ZNF407: variants seen among roughly 807,000 people sequenced by gnomAD.
ZNF407 encodes the protein zinc finger protein 407.
ZNF407 carries 17 observed loss-of-function variants against 131.2 expected under a neutral mutation model. The ratio of observed to expected loss-of-function variants is 0.13; its 90% CI spans 0.09 to 0.19. The LOEUF (loss-of-function observed/expected upper bound fraction) is 0.19. Ranked by LOEUF, ZNF407 falls within the 10% of genes least tolerant of loss-of-function variation. The pLI is 1.00. For synonymous variants in ZNF407, 1,156 were observed against 1,062.0 expected (o/e 1.09, Z -1.72); for missense variants, 2,681 against 2,830.6 (o/e 0.95, Z 1.20).
intron 4 of ZNF407, among the ~76,000 whole-genome samples, chr18:74,856,870 T>C (rs1372587876): frequency 6.6e-6 from 1 of 152,204 alleles, no homozygotes; most frequent in East Asian, 1.9e-4. Context: ...AGGTGATCAT[T>C]GAATTATAAT....
chr18:75,052,454 C>T (rs1041980890), intron 8 of ZNF407, among the ~76,000 whole-genome samples: 3 of 152,142 alleles, frequency 2.0e-5, no homozygotes, highest in East Asian at 1.9e-4. Flanking sequence ...TCAGGGAGCC[C>T]GTCTTCCGGT....
chr18:74,754,945 G>C lies in ZNF407; in HGVS notation c.4803-26483G>C, dbSNP rs1407026957. Among the ~76,000 whole-genome samples, 3 of 152,092 alleles carry C rather than the reference G, an allele frequency of 2.0e-5. No homozygotes were observed. In the East Asian group the frequency reaches 5.8e-4, roughly 29 times the overall value. ...ATTGATCTGTCTAATGTTGACAGTGGGGTGTTAAAGTCTCCCATTATTATT... is the reference window on the plus strand; with the variant it reads ...ATTGATCTGTCTAATGTTGACAGTGCGGTGTTAAAGTCTCCCATTATTATT... On this transcript the variant is annotated intron_variant, in intron 3 of 8. Coordinates refer to ENST00000299687, the MANE Select transcript of ZNF407 (RefSeq NM_017757.3).
intron 3 of ZNF407, among the ~76,000 whole-genome samples, chr18:74,673,380 C>T (rs1050180130): frequency 3.9e-5 from 6 of 152,186 alleles, no homozygotes; most frequent in African/African-American, 1.4e-4. Context: ...CTTGTCCAGG[C>T]GTTTGTGCTC....
At chr18:74,637,094 C>G (rs1984498613) in intron 2 of ZNF407, among the ~76,000 whole-genome samples, 3 of 152,134 alleles carry the variant, frequency 2.0e-5, no homozygotes, top group African/African-American at 7.2e-5. Flanking sequence ...TACTTGAATT[C>G]TCTTGTAATT....
chr18:74,706,137 G>T (rs1177586361), intron 3 of ZNF407, among the ~76,000 whole-genome samples: 1 of 152,130 alleles, frequency 6.6e-6, no homozygotes, highest in East Asian at 1.9e-4. Flanking sequence ...GTAATATGTT[G>T]ACAATGAATT....
At chr18:74,707,139 C>T (rs1967645598) in intron 3 of ZNF407, among the ~76,000 whole-genome samples, 1 of 151,994 alleles carries the variant, frequency 6.6e-6, no homozygotes, top group Admixed American at 6.6e-5. Context: ...TTAGTAGAGA[C>T]AAGGTTTTAC....
At chr18:74,643,035 G>A (rs999335079) in intron 3 of ZNF407, among the ~76,000 whole-genome samples, 1 of 152,098 alleles carries the variant, frequency 6.6e-6, no homozygotes, top group Non-Finnish European at 1.5e-5. Flanking sequence ...CAGAATGGTA[G>A]TGAATTAGGT....
At chr18:74,849,719 G>C (rs1293447436) in intron 4 of ZNF407, among the ~76,000 whole-genome samples, 5 of 152,226 alleles carry the variant, frequency 3.3e-5, no homozygotes, top group Non-Finnish European at 2.9e-5. Flanking sequence ...AGACGAAGGA[G>C]ATTCCCTGAG....
intron 8 of ZNF407, among the ~76,000 whole-genome samples, chr18:74,923,670 G>A (rs962009632): frequency 2.6e-5 from 4 of 151,932 alleles, no homozygotes; most frequent in East Asian, 1.9e-4. Context: ...TTGGCTTTAC[G>A]TATTTTGAAA....
intron 8 of ZNF407, among the ~76,000 whole-genome samples, chr18:75,029,525 G>A (rs1010047128): frequency 1.3e-5 from 2 of 152,158 alleles, no homozygotes; most frequent in African/African-American, 4.8e-5. Context: ...GCCACCCTGG[G>A]CATGGGATGC....
intron 8 of ZNF407, among the ~76,000 whole-genome samples, chr18:75,053,242 G>A (rs1973523579): frequency 6.6e-6 from 1 of 152,158 alleles, no homozygotes; most frequent in Non-Finnish European, 1.5e-5. Flanking sequence ...CCCAGGTCCC[G>A]CCTCACCCCG....
At chr18:74,749,787 A>T (rs1306289834) in intron 3 of ZNF407, among the ~76,000 whole-genome samples, 1 of 152,184 alleles carries the variant, frequency 6.6e-6, no homozygotes, top group Admixed American at 6.6e-5. Context: ...TTAACATCTT[A>T]TTTGGGGAAT....
intron 3 of ZNF407, among the ~76,000 whole-genome samples, chr18:74,688,307 A>G (rs1967142354): frequency 6.6e-6 from 1 of 152,254 alleles, no homozygotes; most frequent in Admixed American, 6.5e-5. Context: ...TGTAAATAAA[A>G]GTACATAATC....
intron 8 of ZNF407, among the ~76,000 whole-genome samples, chr18:75,022,904 A>T (rs1318438561): frequency 6.6e-6 from 1 of 152,198 alleles, no homozygotes; most frequent in Non-Finnish European, 1.5e-5. Context: ...AGCACTATTA[A>T]CAATAGCAAA....
chr18:74,881,142 C>A (rs1430132176), intron 6 of ZNF407, 23 bp downstream of exon 6: 10 of 1,550,704 alleles, frequency 6.4e-6, no homozygotes, highest in Admixed American at 1.9e-5. Flanking sequence ...GCTGCACTGG[C>A]CCCTTCTCTG....
At position 74,647,130 on chromosome 18, in the gene ZNF407, C is replaced by G. The variant is rs75953875; in HGVS notation, c.4802+6008C>G. On this transcript the variant is annotated intron_variant, in intron 3 of 8. Transcript: ENST00000299687. The stretch of plus-strand genomic sequence containing the variant: ...TCTTCTTCTTTTTTTTTTAAAGTGG[C>G]TTCCTTGTGATTTTAAAATGCAATT... 7.8e-3 allele frequency among the ~76,000 whole-genome samples: 1,174 copies of G among 151,440 alleles called. 14 individuals carry two copies. Among genetic ancestry groups the G allele is most frequent in the African/African-American group, 0.027 (1,108 of 41,268 alleles).
intron 8 of ZNF407, among the ~76,000 whole-genome samples, chr18:74,995,346 C>T (rs1188862324): frequency 6.9e-6 from 1 of 144,428 alleles, no homozygotes; most frequent in African/African-American, 2.6e-5. Context: ...AAAGGGGCAG[C>T]CAAGAGACAG....
intron 2 of ZNF407, among the ~76,000 whole-genome samples, chr18:74,638,644 G>C (rs887416962): frequency 6.6e-6 from 1 of 152,176 alleles, no homozygotes; most frequent in Non-Finnish European, 1.5e-5. Context: ...GTACCACAAA[G>C]ATAGAGAGCC....
At chr18:74,777,564 ATTTCT>A (rs1157449191) in intron 3 of ZNF407, among the ~76,000 whole-genome samples, 1 of 152,120 alleles carries the variant, frequency 6.6e-6, no homozygotes, top group Non-Finnish European at 1.5e-5. Flanking sequence ...AAAATGGATC[ATTTCT>A]TTGATTTCTC....
Sources: gnomAD v4.1 joint callset for allele counts (sites outside exome capture counted in the v4.1 genomes callset) on GRCh38, gnomAD v4.1.1 for gene constraint, MANE v1.5 for transcripts, NCBI Gene and HGNC (gene_info 2026-07-23, HGNC 2026-07-21) for gene names.